The following SDK1 variants were observed in gnomAD, a reference collection of about 807,000 sequenced individuals.
SDK1 encodes sidekick cell adhesion molecule 1.
In SDK1, 157 loss-of-function variants were observed where a neutral mutation model predicts 245.5. That is an observed-to-expected ratio of 0.64 (90% CI 0.56 to 0.73). SDK1 has a LOEUF of 0.73. Among genes scored for constraint, SDK1 ranks in the 30% least tolerant of loss-of-function variants. The probability of loss-of-function intolerance (pLI) is 0.00; values close to 1 mark genes in which losing one functional copy is unlikely to be tolerated. For missense variants in SDK1, 3,583 were observed against 3,002.3 expected, an observed-to-expected ratio of 1.19 and a Z score of -4.52; for synonymous variants, 1,647 against 1,278.5, an observed-to-expected ratio of 1.29 and a Z score of -6.15.
intron 30 of SDK1, among the ~76,000 whole-genome samples, chr7:4,157,474 G>GAAGGAAGGA (rs1554368249): frequency 4.9e-5 from 2 of 40,524 alleles, no homozygotes; most frequent in Admixed American, 3.2e-4. Context: ...GAGAAGGAAG[G>GAAGGAAGGA]AGGGAAGGAA....
intron 4 of SDK1, among the ~76,000 whole-genome samples, chr7:3,758,617 A>T (rs1400090064): frequency 6.6e-6 from 1 of 152,092 alleles, no homozygotes; most frequent in Non-Finnish European, 1.5e-5. Context: ...ACGTGCTCTT[A>T]TCTTTTTCTT....
chr7:3,787,558 C>T (rs1780943723), intron 4 of SDK1, among the ~76,000 whole-genome samples: 1 of 152,140 alleles, frequency 6.6e-6, no homozygotes, highest in African/African-American at 2.4e-5. Flanking sequence ...ATCCCTTCTC[C>T]TCAATTTCTG....
intron 17 of SDK1, among the ~76,000 whole-genome samples, chr7:4,025,975 C>G (rs553172218): frequency 2.6e-5 from 4 of 152,346 alleles, no homozygotes; most frequent in African/African-American, 4.8e-5. Context: ...CCTCCTCCCC[C>G]TCCCCTGCTG....
At chr7:3,423,572 C>CT (rs57476358) in intron 1 of SDK1, among the ~76,000 whole-genome samples, 24,379 of 137,472 alleles carry the variant, frequency 0.18, 3,329 homozygotes, top group African/African-American at 0.39. Context: ...GAAACAGTGG[C>CT]TTTTTTTTTT....
intron 5 of SDK1, among the ~76,000 whole-genome samples, chr7:3,936,759 G>A (rs1246763708): frequency 6.6e-6 from 1 of 152,180 alleles, no homozygotes; most frequent in Non-Finnish European, 1.5e-5. Context: ...AAGAGGAAAG[G>A]CCACTTTAAT....
chr7:4,238,805 C>T (rs1161541737), intron 42 of SDK1, among the ~76,000 whole-genome samples: 1 of 151,980 alleles, frequency 6.6e-6, no homozygotes, highest in African/African-American at 2.4e-5. Context: ...GCCTCAGCCT[C>T]CCAAAGTACT....
intron 5 of SDK1, among the ~76,000 whole-genome samples, chr7:3,891,831 T>C (rs1333705142): frequency 7.2e-5 from 11 of 152,230 alleles, no homozygotes; most frequent in Admixed American, 7.2e-4. Flanking sequence ...TGCTTCACTT[T>C]AAAATCCTGA....
intron 28 of SDK1, among the ~76,000 whole-genome samples, chr7:4,141,444 G>C (rs184454391): frequency 7.2e-5 from 11 of 152,334 alleles, no homozygotes; most frequent in African/African-American, 2.6e-4. Flanking sequence ...TGGTGAAACA[G>C]TAAAGATTAA....
intron 1 of SDK1, among the ~76,000 whole-genome samples, chr7:3,578,431 G>A (rs888049086): frequency 5.3e-5 from 8 of 152,042 alleles, no homozygotes; most frequent in African/African-American, 9.7e-5. Flanking sequence ...AGCTGTGCAC[G>A]TATTGTCTTA....
At chr7:3,362,231 G>A (rs1235574775) in intron 1 of SDK1, among the ~76,000 whole-genome samples, 2 of 152,210 alleles carry the variant, frequency 1.3e-5, no homozygotes, top group South Asian at 2.1e-4. Context: ...ACGACAGTGT[G>A]TAATCTGTTT....
chr7:3,862,618 G>A (rs1042335201), intron 5 of SDK1, among the ~76,000 whole-genome samples: 5 of 152,148 alleles, frequency 3.3e-5, no homozygotes, highest in African/African-American at 9.7e-5. Flanking sequence ...AATAGTCAGT[G>A]ACTTTCACTT....
At chr7:4,010,643 C>T (rs1370456769) in intron 14 of SDK1, among the ~76,000 whole-genome samples, 2 of 152,208 alleles carry the variant, frequency 1.3e-5, no homozygotes, top group Non-Finnish European at 2.9e-5. Flanking sequence ...TGTGAGCCGA[C>T]GGAGAACTTT....
intron 1 of SDK1, among the ~76,000 whole-genome samples, chr7:3,553,329 C>T (rs747478093): frequency 6.6e-6 from 1 of 152,168 alleles, no homozygotes; most frequent in Non-Finnish European, 1.5e-5. Flanking sequence ...TTTAAGACTT[C>T]TAGCTTGGAC....
intron 1 of SDK1, among the ~76,000 whole-genome samples, chr7:3,321,819 TCC>T (rs774970013): frequency 2.1e-4 from 28 of 130,540 alleles, no homozygotes; most frequent in South Asian, 1.2e-3. Flanking sequence ...CTTCCTTCCT[TCC>T]TTCCTTCCTC....
chr7:3,683,247 C>G (rs1864841), intron 4 of SDK1, among the ~76,000 whole-genome samples: 33,580 of 152,032 alleles, frequency 0.22, 4,494 homozygotes, highest in Non-Finnish European at 0.3. Context: ...TGATGCTTCC[C>G]CAATGTTGAT....
intron 1 of SDK1, among the ~76,000 whole-genome samples, chr7:3,361,368 C>G (rs748514744): frequency 6.6e-6 from 1 of 152,172 alleles, no homozygotes; most frequent in Admixed American, 6.5e-5. Context: ...GTTCCTTGTT[C>G]TTCTATTCCA....
chr7:3,821,473 T>G lies in SDK1; in HGVS notation c.737T>G (p.Leu246Arg). Residue 246 changes from leucine (L) to arginine (R), a missense_variant, in exon 5 of 45, where the codon CTG becomes CGG. Coordinates refer to ENST00000404826, the MANE Select transcript of SDK1 (RefSeq NM_152744.4). ...AGAGCCATCACATTGGAGAATCAGCTGGTGATCCTCGCCACCACAACCAGT... is the reference window on the plus strand; with the variant it reads ...AGAGCCATCACATTGGAGAATCAGCGGGTGATCCTCGCCACCACAACCAGT... The part of the protein sequence containing the change: ...NRIAITLENQ[L>R]VILATTTSDA... The G allele has an allele frequency of 6.2e-7, 1 of 1,613,612 alleles. No homozygotes were observed. Among genetic ancestry groups the G allele is most frequent in the Non-Finnish European group, 8.5e-7 (1 of 1,179,806 alleles).
chr7:3,772,077 C>T (rs1780420923), intron 4 of SDK1, among the ~76,000 whole-genome samples: 1 of 152,176 alleles, frequency 6.6e-6, no homozygotes, highest in Non-Finnish European at 1.5e-5. Flanking sequence ...GTACTGAAGC[C>T]TGTGTCAGAC....
chr7:3,579,112 T>C (rs1780400855), intron 1 of SDK1, among the ~76,000 whole-genome samples: 1 of 151,982 alleles, frequency 6.6e-6, no homozygotes, highest in East Asian at 1.9e-4. Flanking sequence ...AAAGGGGGCT[T>C]ATGAAAGTAC....
Sources: gnomAD v4.1 joint callset for allele counts (sites outside exome capture counted in the v4.1 genomes callset) on GRCh38, gnomAD v4.1.1 for gene constraint, MANE v1.5 for transcripts, NCBI Gene and HGNC (gene_info 2026-07-23, HGNC 2026-07-21) for gene names.